NPAS3: variants seen among roughly 807,000 people sequenced by gnomAD.
NPAS3 encodes the protein neuronal PAS domain protein 3.
A neutral mutation model predicts 73.1 loss-of-function variants in NPAS3; 14 were observed. That is an observed-to-expected ratio of 0.19 (90% confidence interval 0.13 to 0.30). The LOEUF is 0.30. Among genes scored for constraint, NPAS3 ranks in the 10% least tolerant of loss-of-function variants. The pLI is 1.00. For missense variants in NPAS3, 1,096 were observed against 1,250.0 expected, an observed-to-expected ratio of 0.88 and a Z score of 1.86; for synonymous variants, 620 against 541.5, an observed-to-expected ratio of 1.14 and a Z score of -2.01.
intron 5 of NPAS3, among the ~76,000 whole-genome samples, chr14:33,640,759 C>T (rs1430143998): frequency 6.6e-6 from 1 of 152,204 alleles, no homozygotes; most frequent in East Asian, 1.9e-4. Flanking sequence ...AGTGCTCCTG[C>T]TGTCTGGGAG....
chr14:33,516,734 A>C (rs1368522672), intron 4 of NPAS3, among the ~76,000 whole-genome samples: 4 of 152,064 alleles, frequency 2.6e-5, no homozygotes, highest in Non-Finnish European at 5.9e-5. Flanking sequence ...TCTCAATAAT[A>C]TTATGTAAAA....
At chr14:33,042,241 G>A (rs1356123314) in intron 1 of NPAS3, among the ~76,000 whole-genome samples, 1 of 152,022 alleles carries the variant, frequency 6.6e-6, no homozygotes, top group Non-Finnish European at 1.5e-5. Flanking sequence ...TGCACCTCTG[G>A]GGATATTCCA....
At chr14:33,311,271 G>T (rs918009338) in intron 3 of NPAS3, among the ~76,000 whole-genome samples, 1 of 152,052 alleles carries the variant, frequency 6.6e-6, no homozygotes, top group African/African-American at 2.4e-5. Flanking sequence ...AAAACCATAT[G>T]AACAGTGCAG....
At chr14:33,142,046 G>A (rs934341040) in intron 2 of NPAS3, among the ~76,000 whole-genome samples, 9 of 151,764 alleles carry the variant, frequency 5.9e-5, no homozygotes, top group Admixed American at 2.6e-4. Flanking sequence ...CCATTCAATG[G>A]GCTCTACCTA....
intron 1 of NPAS3, among the ~76,000 whole-genome samples, chr14:32,999,859 G>A (rs562433787): frequency 1.6e-4 from 25 of 152,170 alleles, no homozygotes; most frequent in Non-Finnish European, 2.9e-4. Context: ...AACTTAGGAT[G>A]TACAAGTGTT....
chr14:33,519,103 G>A (rs754079603), intron 4 of NPAS3, among the ~76,000 whole-genome samples: 6 of 152,068 alleles, frequency 3.9e-5, no homozygotes, highest in African/African-American at 1.2e-4. Flanking sequence ...ACAAAAGAAT[G>A]TAGAGAACAG....
At chr14:33,670,524 C>T (rs1040698036) in intron 5 of NPAS3, among the ~76,000 whole-genome samples, 16 of 151,788 alleles carry the variant, frequency 1.1e-4, no homozygotes, top group East Asian at 3.9e-4. Context: ...ATTAAGATAC[C>T]GGTAAATCCA....
At chr14:32,970,546 G>C (rs1309577666) in intron 1 of NPAS3, among the ~76,000 whole-genome samples, 1 of 152,146 alleles carries the variant, frequency 6.6e-6, no homozygotes, top group African/African-American at 2.4e-5. Flanking sequence ...TCTTGGGGAT[G>C]TTGTAATGAA....
intron 3 of NPAS3, among the ~76,000 whole-genome samples, chr14:33,341,969 C>T (rs1204548571): frequency 6.6e-6 from 1 of 152,174 alleles, no homozygotes; most frequent in Non-Finnish European, 1.5e-5. Context: ...TTGTTACTGT[C>T]TTGTATGCCA....
At chr14:33,793,823 A>C in intron 9 of NPAS3, 74 bp from the exon 10 acceptor site, 1 of 1,399,198 alleles carries the variant, frequency 7.1e-7, no homozygotes, top group Non-Finnish European at 9.5e-7. Flanking sequence ...AAGGTTTTGC[A>C]GAGATAAAAA....
exon 6 of NPAS3, chr14:33,676,363 T>C (rs2059766334): frequency 6.3e-7 from 1 of 1,587,386 alleles, no homozygotes; most frequent in Non-Finnish European, 8.5e-7. Context: ...CTTCCTCCTC[T>C]CAGTCGGAGA....
intron 1 of NPAS3, among the ~76,000 whole-genome samples, chr14:33,015,754 A>G (rs1184365012): frequency 6.6e-6 from 1 of 152,204 alleles, no homozygotes; most frequent in Non-Finnish European, 1.5e-5. Flanking sequence ...AAGGAAATAC[A>G]CTAAAATGCT....
chr14:33,734,147 A>C (rs1595522472), intron 6 of NPAS3, among the ~76,000 whole-genome samples: 2 of 152,158 alleles, frequency 1.3e-5, no homozygotes, highest in African/African-American at 4.8e-5. Context: ...TACTCCAGAG[A>C]AAATTAGCGT....
chr14:33,549,751 A>G (rs2055020391), intron 4 of NPAS3, among the ~76,000 whole-genome samples: 1 of 152,158 alleles, frequency 6.6e-6, no homozygotes, highest in Non-Finnish European at 1.5e-5. Flanking sequence ...CATTATTTTC[A>G]TATTTTAGTT....
intron 1 of NPAS3, among the ~76,000 whole-genome samples, chr14:32,985,862 G>A (rs1595155193): frequency 6.6e-6 from 1 of 152,324 alleles, no homozygotes; most frequent in South Asian, 2.1e-4. Flanking sequence ...GGCTTGGTGA[G>A]CGAGGATGGA....
At chr14:33,784,560 A>G (rs1422429095) in intron 9 of NPAS3, among the ~76,000 whole-genome samples, 1 of 152,098 alleles carries the variant, frequency 6.6e-6, no homozygotes, top group Non-Finnish European at 1.5e-5. Flanking sequence ...TTAGAAGAGC[A>G]TAGGAGAGAC....
At chr14:33,323,795 T>C (rs1594691644) in intron 3 of NPAS3, among the ~76,000 whole-genome samples, 1 of 152,224 alleles carries the variant, frequency 6.6e-6, no homozygotes, top group East Asian at 1.9e-4. Context: ...TTTAGTAAAA[T>C]TAAAAATTGC....
chr14:33,321,691 G>T (rs1233997618), intron 3 of NPAS3, among the ~76,000 whole-genome samples: 1 of 151,968 alleles, frequency 6.6e-6, no homozygotes, highest in African/African-American at 2.4e-5. Context: ...GCGTTTTTGT[G>T]TGTGGTGGTG....
At chr14:33,451,925 T>C (rs2049809392) in intron 4 of NPAS3, among the ~76,000 whole-genome samples, 4 of 152,292 alleles carry the variant, frequency 2.6e-5, no homozygotes, top group Middle Eastern at 3.4e-3. Flanking sequence ...AGGCAGGGTA[T>C]GTATGGGCTT....
Sources: gnomAD v4.1 joint callset for allele counts (sites outside exome capture counted in the v4.1 genomes callset) on GRCh38, gnomAD v4.1.1 for gene constraint, MANE v1.5 for transcripts, NCBI Gene and HGNC (gene_info 2026-07-23, HGNC 2026-07-21) for gene names.